The following EZR variants were observed in gnomAD, a reference collection of about 807,000 sequenced individuals.
EZR encodes cytovillin 2.
EZR carries 40 observed loss-of-function variants against 74.8 expected under a neutral mutation model. The observed-to-expected ratio is 0.53, with a 90% CI of 0.42 to 0.70. The LOEUF (loss-of-function observed/expected upper bound fraction) is 0.70, where lower values mean the gene tolerates loss of function less well. Among genes scored for constraint, EZR ranks in the 30% least tolerant of loss-of-function variants. The pLI, the probability that EZR is intolerant of heterozygous loss-of-function variation, is 0.00. For missense variants in EZR, 678 were observed against 755.8 expected (o/e 0.90, Z 1.21); for synonymous variants, 341 against 283.3 (o/e 1.20, Z -2.05).
chr6:158,790,159 T>C (rs923092928), intron 2 of EZR, among the ~76,000 whole-genome samples: 1 of 152,194 alleles, frequency 6.6e-6, no homozygotes, highest in Non-Finnish European at 1.5e-5. Context: ...TGTAGTGATA[T>C]TAAATTATAA....
intron 2 of EZR, among the ~76,000 whole-genome samples, chr6:158,792,251 T>G (rs1245888576): frequency 6.7e-6 from 1 of 148,518 alleles, no homozygotes; most frequent in Non-Finnish European, 1.5e-5. Flanking sequence ...GTCTCCTCTG[T>G]CGCCCAGGTT....
chr6:158,781,926 A>AT (rs1432766903), intron 7 of EZR, among the ~76,000 whole-genome samples: 3 of 151,162 alleles, frequency 2.0e-5, no homozygotes, highest in African/African-American at 7.4e-5. Flanking sequence ...TAGCCAGCTA[A>AT]TTTTTTAAAT....
Position 158,766,146 on chromosome 6 carries a change from CTTT to C in EZR, c.*765_*767del, listed in dbSNP as rs1197449939. ...TTTAGAGGGTTTTTCATATGTAATTCTTTTATTCTGTAAAAGGTAACAAAATAT... is the reference window on the plus strand; with the variant it reads ...TTTAGAGGGTTTTTCATATGTAATTCTATTCTGTAAAAGGTAACAAAATAT... On this transcript the variant is annotated 3_prime_UTR_variant, in exon 14 of 14. Coordinates refer to ENST00000367075, the MANE Select transcript of EZR (RefSeq NM_001111077.2). The C allele has an allele frequency of 2.0e-5, 3 of 152,560 alleles. No individual in the cohort carries two copies. Among genetic ancestry groups the C allele is most frequent in the East Asian group, 1.9e-4 (1 of 5,200 alleles). The allele number at this position is 152,560 out of a possible 1,614,324, so 9.5% of individuals were successfully genotyped here. A position where few individuals can be genotyped will look rare whatever the true frequency, so the allele number is the denominator to read the frequency against.
chr6:158,787,985 A>G (rs1453915911), intron 3 of EZR, among the ~76,000 whole-genome samples: 2 of 152,220 alleles, frequency 1.3e-5, no homozygotes, highest in Non-Finnish European at 2.9e-5. Context: ...TGCTGTGGAC[A>G]TTTGTTGAAC....
At chr6:158,781,405 A>G (rs899853198) in intron 7 of EZR, among the ~76,000 whole-genome samples, 3 of 152,142 alleles carry the variant, frequency 2.0e-5, no homozygotes, top group Non-Finnish European at 4.4e-5. Flanking sequence ...TCATCGCTCA[A>G]TGGTGGGGGA....
In EZR at chr6:158,766,611, A is replaced by C. The variant is rs1021415135; in HGVS notation, c.*303T>G. 2.7e-5 allele frequency: 9 copies of C among 335,570 alleles called. No homozygotes were observed. The highest frequency in any genetic ancestry group is 5.7e-5 in the East Asian group (1 of 17,518). 20.8% of individuals were successfully genotyped at this position (335,570 alleles called of 1,614,324 possible). On this transcript the variant is annotated 3_prime_UTR_variant, in exon 14 of 14. Transcript: ENST00000367075. ...TCTTGTATCACACAGGCCAGCATGA[A>C]GTTTCTTACTCAGACTTTACAGGCA...
intron 2 of EZR, among the ~76,000 whole-genome samples, chr6:158,791,416 T>C (rs886227928): frequency 2.0e-5 from 3 of 152,212 alleles, no homozygotes; most frequent in African/African-American, 7.2e-5. Flanking sequence ...CTCTCAATTA[T>C]GGTTCCAAGG....
At chr6:158,815,293 C>CA (rs1436392325) in intron 2 of EZR, among the ~76,000 whole-genome samples, 8 of 152,192 alleles carry the variant, frequency 5.3e-5, no homozygotes. Flanking sequence ...ATGTCATATT[C>CA]AAATATGTGC....
In EZR at chr6:158,766,838, C is replaced by T. The variant is rs1790885048; in HGVS notation, c.*76G>A. On this transcript the variant is annotated 3_prime_UTR_variant, in exon 14 of 14. Coordinates refer to ENST00000367075, the MANE Select transcript of EZR (RefSeq NM_001111077.2). ...TCTGAGGGAGTTCCTAGACTTGGAGCACTAAAGACACAAGCGTGGCGGGGC... is the reference window on the plus strand; with the variant it reads ...TCTGAGGGAGTTCCTAGACTTGGAGTACTAAAGACACAAGCGTGGCGGGGC... 7.4e-7 allele frequency: 1 copy of T among 1,348,824 alleles called. No homozygotes were observed. Among genetic ancestry groups the T allele is most frequent in the African/African-American group, 1.5e-5 (1 of 64,574 alleles). The allele number at this position is 1,348,824 out of a possible 1,614,324, so 83.6% of individuals were successfully genotyped here.
rs201404306 is a variant in EZR, at chr6:158,783,248, GGGA to G, written c.698+269_698+271del. Among the ~76,000 whole-genome samples the G allele has an allele frequency of 1.1e-3, 165 of 149,962 alleles. No homozygotes were observed. The East Asian group carries it at 0.03, about 28-fold the overall frequency. On this transcript the variant is annotated intron_variant, in intron 7 of 13. Coordinates refer to ENST00000367075, the MANE Select transcript of EZR (RefSeq NM_001111077.2). ...CTGGGGTGGAATCTCAGAGGCAGCG[GGGA>G]GGAGAGGCAGCCTCTGCTCTATTCT...
rs1554273334 is a variant in EZR at position 158,786,670 on chromosome 6, AAG to A, written c.192+436_192+437del. ...CAGTGGGGGTTTCAAAAAAAAAAAA[AAG>A]GATAATTTTCAGAGTTTGAAGAAAA... On this transcript the variant is annotated intron_variant, in intron 4 of 13. Transcript: ENST00000367075. Among the ~76,000 whole-genome samples the A allele has an allele frequency of 5.3e-5, 8 of 151,660 alleles. No homozygotes were observed. In the East Asian group the frequency reaches 1.6e-3, roughly 29 times the overall value.
At chr6:158,780,848 T>A (rs1791415905) in intron 7 of EZR, among the ~76,000 whole-genome samples, 1 of 152,208 alleles carries the variant, frequency 6.6e-6, no homozygotes, top group Non-Finnish European at 1.5e-5. Flanking sequence ...GCTTACCTGT[T>A]TTTGCCCTCT....
chr6:158,812,492 A>C (rs1777470372), intron 2 of EZR, among the ~76,000 whole-genome samples: 1 of 152,190 alleles, frequency 6.6e-6, no homozygotes, highest in African/African-American at 2.4e-5. Context: ...TGTGTACACA[A>C]AATTTTGAGA....
chr6:158,791,422 C>T (rs563407150), intron 2 of EZR, among the ~76,000 whole-genome samples: 10 of 152,152 alleles, frequency 6.6e-5, no homozygotes, highest in African/African-American at 2.4e-4. Flanking sequence ...ATTATGGTTC[C>T]AAGGGCATGT....
chr6:158,799,438 C>T (rs1356222258), intron 2 of EZR, among the ~76,000 whole-genome samples: 4 of 152,218 alleles, frequency 2.6e-5, no homozygotes, highest in African/African-American at 9.6e-5. Context: ...TTTACCTCTG[C>T]TGATTTATAA....
At chr6:158,784,784 G>C (rs1044716896) in intron 5 of EZR, 57 bp from the exon 6 acceptor site, 92 of 1,464,132 alleles carry the variant, frequency 6.3e-5, no homozygotes, top group Non-Finnish European at 8.4e-5. Flanking sequence ...AGGCAAGGAA[G>C]GAGGCCCACT....
At chr6:158,804,411 A>G (rs1777284383) in intron 2 of EZR, among the ~76,000 whole-genome samples, 1 of 152,230 alleles carries the variant, frequency 6.6e-6, no homozygotes, top group African/African-American at 2.4e-5. Context: ...TTGAACAAGA[A>G]TTTATCTAAT....
chr6:158,816,185 G>A (rs1777549966), intron 2 of EZR, among the ~76,000 whole-genome samples: 1 of 152,186 alleles, frequency 6.6e-6, no homozygotes, highest in African/African-American at 2.4e-5. Flanking sequence ...GGGATGGGGA[G>A]GGAGAGTTTA....
intron 3 of EZR, among the ~76,000 whole-genome samples, chr6:158,787,519 G>A (rs747360182): frequency 2.6e-5 from 4 of 152,104 alleles, no homozygotes; most frequent in East Asian, 1.9e-4. Flanking sequence ...TCAGCAGGGC[G>A]GGTTATGGCC....
Sources: gnomAD v4.1 joint callset for allele counts (sites outside exome capture counted in the v4.1 genomes callset) on GRCh38, gnomAD v4.1.1 for gene constraint, MANE v1.5 for transcripts, NCBI Gene and HGNC (gene_info 2026-07-23, HGNC 2026-07-21) for gene names.